The following CWC25 variants were observed in gnomAD, a reference collection of about 807,000 sequenced individuals.
CWC25 encodes the protein pre-mRNA-splicing factor CWC25 homolog.
CWC25 carries 31 observed loss-of-function variants against 54.6 expected under a neutral mutation model. That is an observed-to-expected ratio of 0.57 (90% CI 0.43 to 0.77). CWC25 has a LOEUF of 0.77. Ranked by LOEUF, CWC25 falls within the 30% of genes least tolerant of loss-of-function variation. The pLI is 0.00. For synonymous variants in CWC25, 151 were observed against 187.0 expected (o/e 0.81, Z 1.57); for missense variants, 453 against 529.3 (o/e 0.86, Z 1.41).
Position 38,806,791 on chromosome 17 carries a change from C to CCTT in CWC25, c.873_875dup (p.Arg292dup). The CCTT allele has an allele frequency of 4.4e-6, 7 of 1,604,664 alleles. No homozygotes were observed. The highest frequency in any genetic ancestry group is 6.0e-6 in the Non-Finnish European group (7 of 1,176,228). Reference sequence around the variant, plus strand: ...GTTTGCTGGGTCTTGGGGACCGTGACCTTCTGCCCAGGGATCGAGACCTCC... The same window carrying CCTT: ...GTTTGCTGGGTCTTGGGGACCGTGACCTTCTTCTGCCCAGGGATCGAGACCTCC... On this transcript the variant is annotated inframe_insertion, in exon 7 of 10. Transcript: ENST00000614790.
At position 38,806,340 on chromosome 17, in the gene CWC25, T is replaced by C. The variant is rs757765268; in HGVS notation, c.958A>G (p.Lys320Glu). 1.9e-6 allele frequency: 3 copies of C among 1,613,622 alleles called. No individual in the cohort carries two copies. Among genetic ancestry groups the C allele is most frequent in the South Asian group, 2.2e-5 (2 of 90,918 alleles). ...ETGQTRSPSP[K>E]KEVYQRRHAP... ...TGTCGCCTTTGGTAGACCTCTTTTTTAGGTGATGGGCTCCTAGTTTGGCCT... is the reference window on the plus strand; with the variant it reads ...TGTCGCCTTTGGTAGACCTCTTTTTCAGGTGATGGGCTCCTAGTTTGGCCT... Residue 320 changes from lysine to glutamate, a missense_variant, in exon 8 of 10, where the codon AAA (lysine) becomes GAA (glutamate). This residue lies in a region of CWC25 where 444 missense variants were observed against 499.2 expected (regional missense o/e 0.89). Coordinates refer to ENST00000614790, the MANE Select transcript of CWC25 (RefSeq NM_017748.5).
rs193079732 is a variant in CWC25 at position 38,820,834 on chromosome 17, G to A, written c.191+67C>T. On this transcript the variant is annotated intron_variant, in intron 2 of 9. Transcript: ENST00000614790. ...AAGCACTCAGCCATTATACAACACT[G>A]GATGATGCATCTCAGGACAGCTCTG... The A allele has an allele frequency of 1.3e-4, 193 of 1,526,208 alleles. No individual in the cohort carries two copies. In the African/African-American group the frequency reaches 2.3e-3, roughly 18 times the overall value. 94.5% of individuals were successfully genotyped at this position (1,526,208 alleles called of 1,614,324 possible).
At chr17:38,806,212 G>T in intron 8 of CWC25, 85 bp downstream of exon 8, 2 of 1,192,338 alleles carry the variant, frequency 1.7e-6, no homozygotes, top group Non-Finnish European at 2.4e-6. Flanking sequence ...AAAAGGTAAT[G>T]ATGGATTATC....
chr17:38,822,189 G>A (rs1415828101), intron 1 of CWC25, among the ~76,000 whole-genome samples: 1 of 151,992 alleles, frequency 6.6e-6, no homozygotes, highest in Non-Finnish European at 1.5e-5. Context: ...TCAGCCTCCT[G>A]AGTAGCTGGG....
At chr17:38,806,452 C>T (rs2143549809) in intron 7 of CWC25, 57 bp from the exon 8 acceptor site, 3 of 1,377,278 alleles carry the variant, frequency 2.2e-6, no homozygotes, top group Non-Finnish European at 3.1e-6. Context: ...GGGGCTTACA[C>T]TGAATCCCTC....
chr17:38,808,189 C>A, intron 6 of CWC25, among the ~76,000 whole-genome samples: 1 of 135,890 alleles, frequency 7.4e-6, no homozygotes, highest in African/African-American at 2.7e-5. Context: ...TCGAGACCAG[C>A]CTGGCCAATA....
chr17:38,808,055 C>CAAAAA (rs61226105), intron 6 of CWC25, among the ~76,000 whole-genome samples: 23 of 52,634 alleles, frequency 4.4e-4, no homozygotes, highest in Admixed American at 8.0e-4. Context: ...GACTCCATCT[C>CAAAAA]AAAAAAAAAA....
chr17:38,814,101 T>C (rs1223709173), intron 3 of CWC25, among the ~76,000 whole-genome samples: 1 of 151,730 alleles, frequency 6.6e-6, no homozygotes, highest in Non-Finnish European at 1.5e-5. Flanking sequence ...GACCTCGTGA[T>C]CCGCCCGCCT....
chr17:38,806,137 C>T (rs140510134), intron 8 of CWC25, among the ~76,000 whole-genome samples, 160 bp downstream of exon 8: 103 of 152,302 alleles, frequency 6.8e-4, no homozygotes, highest in South Asian at 2.7e-3. Flanking sequence ...AATGTCCTCA[C>T]ATGGCTGGAG....
intron 1 of CWC25, among the ~76,000 whole-genome samples, chr17:38,821,824 G>C (rs1410720690): frequency 6.6e-6 from 1 of 151,554 alleles, no homozygotes; most frequent in Non-Finnish European, 1.5e-5. Flanking sequence ...ACCCAGGCTG[G>C]AGTGCAGCTA....
chr17:38,806,556 T>G, intron 7 of CWC25, 161 bp from the exon 8 acceptor site: 1 of 752,776 alleles, frequency 1.3e-6, no homozygotes, highest in Non-Finnish European at 2.1e-6. Flanking sequence ...ACCCCAGAGC[T>G]CCCAAAGCAC....
At chr17:38,815,735 A>C (rs1157113011) in intron 2 of CWC25, 2 of 1,238,290 alleles carry the variant, frequency 1.6e-6, no homozygotes, top group African/African-American at 3.1e-5. Context: ...TTCATTTCCA[A>C]GATGACCTAA....
intron 2 of CWC25, among the ~76,000 whole-genome samples, chr17:38,817,319 G>A (rs1166499567): frequency 6.7e-6 from 1 of 150,214 alleles, no homozygotes; most frequent in African/African-American, 2.5e-5. Context: ...CAACGCAGGT[G>A]ACAGTGCGAG....
At chr17:38,820,784 G>T in intron 2 of CWC25, 117 bp downstream of exon 2, 1 of 1,208,114 alleles carries the variant, frequency 8.3e-7, no homozygotes. Context: ...ATCCAGGTGA[G>T]TCTGGCATTA....
Position 38,809,684 on chromosome 17 carries a change from A to G in CWC25, c.690+18T>C. On this transcript the variant is annotated intron_variant, in intron 6 of 9. Transcript: ENST00000614790. Reference sequence around the variant, plus strand: ...CACAGTCCCACAGTCACTCCTTTCAAGAAGCCCACATCCCTACCTGTAAGC... The same window carrying G: ...CACAGTCCCACAGTCACTCCTTTCAGGAAGCCCACATCCCTACCTGTAAGC... 2 of 1,612,602 alleles carry G rather than the reference A, an allele frequency of 1.2e-6. No homozygotes were observed. Among genetic ancestry groups the G allele is most frequent in the Non-Finnish European group, 1.7e-6 (2 of 1,179,120 alleles).
In CWC25 at chr17:38,814,947, G is replaced by A. The variant is rs1911639586; in HGVS notation, c.342C>T (p.Leu114=). 1.9e-6 allele frequency: 3 copies of A among 1,613,734 alleles called. No homozygotes were observed. The highest frequency in any genetic ancestry group is 2.5e-6 in the Non-Finnish European group (3 of 1,179,872). The change falls in exon 3 of 10, where the codon CTC becomes CTT. Residue 114 remains leucine, a synonymous_variant. Coordinates refer to ENST00000614790, the MANE Select transcript of CWC25 (RefSeq NM_017748.5). ...CTGATGGGGCAAAGATAGAGCCTGG[G>A]AGAAGTCCTGTTTCAGAAGAGCAGC... ...EAGCSSETGL[L]PGSIFAPSGA...
intron 2 of CWC25, among the ~76,000 whole-genome samples, chr17:38,818,397 C>T (rs1911786804): frequency 6.6e-6 from 1 of 151,418 alleles, no homozygotes; most frequent in Non-Finnish European, 1.5e-5. Context: ...TCGACACCAT[C>T]CTGGCTAACA....
Position 38,802,169 on chromosome 17 carries a change from C to T in CWC25, c.1201G>A (p.Glu401Lys). 6.2e-7 allele frequency: 1 copy of T among 1,613,866 alleles called. No homozygotes were observed. Among genetic ancestry groups the T allele is most frequent in the Non-Finnish European group, 8.5e-7 (1 of 1,179,784 alleles). The change falls in exon 10 of 10, where the codon GAG becomes AAG. Residue 401 changes from glutamate to lysine, a missense_variant. Physicochemically the swap from Glu to Lys is moderately conservative, Grantham distance 56. This residue lies in a region of CWC25 where 444 missense variants were observed against 499.2 expected (regional missense o/e 0.89). Transcript: ENST00000614790. Reference protein sequence around the residue: ...KLESASTSSLEDRVKRNIYSL... With the variant: ...KLESASTSSLKDRVKRNIYSL... ...TAGATATTCCGCTTCACCCGATCCT[C>T]CAGGGAGGAAGTAGATGCACTCTCC... is the stretch of plus-strand genomic sequence containing the variant.
In CWC25 at chr17:38,806,896, A is replaced by C; in HGVS notation, c.771T>G (p.His257Gln). 1 of 1,613,918 alleles carries C rather than the reference A, an allele frequency of 6.2e-7. No individual in the cohort carries two copies. The highest frequency in any genetic ancestry group is 1.7e-5 in the Admixed American group (1 of 60,012). The change falls in exon 7 of 10, where the codon CAT (histidine) becomes CAG (glutamine). Residue 257 changes from histidine (H) to glutamine (Q), a missense_variant. By Grantham distance (24) the His-to-Gln change is conservative. Transcript: ENST00000614790. ...AGTGGGAGGAGCTTCTGGATCTGGA[A>C]TGGTTCTTCATCCCATGCCCTCTCT... ...EQKRGHGMKN[H>Q]SRSRSSSHSP... is the part of the protein sequence containing the mutation.
Sources: allele counts gnomAD v4.1 joint callset (sites outside exome capture counted in the v4.1 genomes callset), GRCh38; gene constraint gnomAD v4.1.1; regional missense constraint gnomAD v4.1.1; transcripts MANE v1.5; gene names NCBI Gene and HGNC (gene_info 2026-07-23, HGNC 2026-07-21).